The following GRIA1 variants were observed in gnomAD, a reference collection of about 807,000 sequenced individuals.
GRIA1 encodes glutamate ionotropic receptor AMPA type subunit 1.
Under a neutral mutation model 99.2 loss-of-function variants are expected in GRIA1, and 31 were observed. The ratio of observed to expected loss-of-function variants is 0.31; its 90% confidence interval spans 0.23 to 0.42. The LOEUF (loss-of-function observed/expected upper bound fraction) is 0.42, where lower values mean the gene tolerates loss of function less well. Among genes scored for constraint, GRIA1 ranks in the 10% least tolerant of loss-of-function variants. The pLI, the probability that GRIA1 is intolerant of heterozygous loss-of-function variation, is 1.00. For missense variants in GRIA1, 782 were observed against 1,157.5 expected, an observed-to-expected ratio of 0.68 and a Z score of 4.71; for synonymous variants, 438 against 432.4, an observed-to-expected ratio of 1.01 and a Z score of -0.16.
At chr5:153,548,748 CTCTGAGA>C (rs1193501490) in intron 2 of GRIA1, among the ~76,000 whole-genome samples, 1 of 152,170 alleles carries the variant, frequency 6.6e-6, no homozygotes, top group Non-Finnish European at 1.5e-5. Context: ...CATTGCACAA[CTCTGAGA>C]TAACCCTCTT....
At chr5:153,614,031 TTC>T (rs1766243978) in intron 2 of GRIA1, among the ~76,000 whole-genome samples, 1 of 152,196 alleles carries the variant, frequency 6.6e-6, no homozygotes, top group African/African-American at 2.4e-5. Context: ...TCACACCTGC[TTC>T]TCTCGCTGCT....
chr5:153,575,210 A>AGAGAGC (rs1156710330), intron 2 of GRIA1, among the ~76,000 whole-genome samples: 2 of 151,790 alleles, frequency 1.3e-5, no homozygotes, highest in African/African-American at 2.4e-5. Context: ...AGAGAGAGAG[A>AGAGAGC]GAGAGAGAGA....
chr5:153,494,872 A>G (rs1449580182), intron 2 of GRIA1, among the ~76,000 whole-genome samples: 1 of 152,214 alleles, frequency 6.6e-6, no homozygotes, highest in Non-Finnish European at 1.5e-5. Flanking sequence ...AATTTATGGC[A>G]GGGAAATGTG....
intron 2 of GRIA1, among the ~76,000 whole-genome samples, chr5:153,577,831 A>G (rs1762694576): frequency 6.6e-6 from 1 of 152,176 alleles, no homozygotes; most frequent in Admixed American, 6.5e-5. Context: ...AATTAAATAA[A>G]TCAACTGAAT....
chr5:153,801,281 C>T (rs1766007035), intron 14 of GRIA1, among the ~76,000 whole-genome samples: 1 of 147,210 alleles, frequency 6.8e-6, no homozygotes, highest in Admixed American at 6.7e-5. Context: ...CTCAGGAGAC[C>T]AGTGGCCTTC....
intron 2 of GRIA1, among the ~76,000 whole-genome samples, chr5:153,630,375 T>C (rs1483098501): frequency 2.0e-5 from 3 of 152,116 alleles, no homozygotes; most frequent in Non-Finnish European, 4.4e-5. Context: ...AAGGAATATA[T>C]TGAAGAGAAA....
chr5:153,692,706 CCAACTCTTTAAAAGCAAGGA>C (rs1757848244), intron 8 of GRIA1, among the ~76,000 whole-genome samples: 1 of 152,108 alleles, frequency 6.6e-6, no homozygotes, highest in Admixed American at 6.5e-5. Context: ...TTCTAAAACG[CCAACTCTTTAAAAGCAAGGA>C]CCATATTTGT....
At chr5:153,568,713 T>A (rs1761867332) in intron 2 of GRIA1, among the ~76,000 whole-genome samples, 1 of 152,222 alleles carries the variant, frequency 6.6e-6, no homozygotes, top group Non-Finnish European at 1.5e-5. Flanking sequence ...TGTACCTAGC[T>A]TATTATAGCC....
chr5:153,498,050 A>G (rs903147974), intron 2 of GRIA1, among the ~76,000 whole-genome samples: 2 of 152,182 alleles, frequency 1.3e-5, no homozygotes, highest in African/African-American at 4.8e-5. Flanking sequence ...CAGTTCCAGC[A>G]CAGAGACTGA....
At chr5:153,660,533 A>G (rs1270374344) in intron 5 of GRIA1, among the ~76,000 whole-genome samples, 2 of 152,186 alleles carry the variant, frequency 1.3e-5, no homozygotes, top group Non-Finnish European at 2.9e-5. Context: ...AGTTGGGGAA[A>G]GAGTCAGGAA....
chr5:153,660,561 G>A (rs547004265), intron 5 of GRIA1, among the ~76,000 whole-genome samples: 1 of 152,266 alleles, frequency 6.6e-6, no homozygotes, highest in African/African-American at 2.4e-5. Flanking sequence ...GGGTTGTCCT[G>A]GACAAGACAG....
At chr5:153,570,584 G>C (rs1423314779) in intron 2 of GRIA1, among the ~76,000 whole-genome samples, 1 of 152,138 alleles carries the variant, frequency 6.6e-6, no homozygotes, top group African/African-American at 2.4e-5. Context: ...TGAAGAGTCT[G>C]AGTATTCTAG....
intron 11 of GRIA1, among the ~76,000 whole-genome samples, chr5:153,726,553 G>A (rs1251252222): frequency 1.3e-5 from 2 of 151,998 alleles, no homozygotes; most frequent in Admixed American, 1.3e-4. Context: ...AAATAATAAA[G>A]GGGATATCAC....
chr5:153,658,655 A>G (rs1755128479), intron 5 of GRIA1, among the ~76,000 whole-genome samples: 1 of 152,230 alleles, frequency 6.6e-6, no homozygotes, highest in Non-Finnish European at 1.5e-5. Context: ...TTTCTGCCAC[A>G]TAATTAGCCT....
chr5:153,641,559 G>C (rs975262864), intron 2 of GRIA1, among the ~76,000 whole-genome samples: 2 of 152,106 alleles, frequency 1.3e-5, no homozygotes, highest in South Asian at 2.1e-4. Context: ...TGTTGGACAC[G>C]CTCTGCTACA....
intron 1 of GRIA1, chr5:153,491,211 G>A (rs967601998): frequency 1.9e-5 from 24 of 1,285,158 alleles, no homozygotes; most frequent in Non-Finnish European, 2.3e-5. Context: ...CTCCAGGCAA[G>A]AGCATGTGAA....
At chr5:153,758,529 A>G (rs1762975447) in intron 11 of GRIA1, among the ~76,000 whole-genome samples, 1 of 152,052 alleles carries the variant, frequency 6.6e-6, no homozygotes, top group South Asian at 2.1e-4. Context: ...TTATAAATAT[A>G]TATTCAACCA....
Position 153,802,510 on chromosome 5 carries a change from C to G in GRIA1, c.2520+20C>G. ...ATGAAGGTGGCATCGTCTTCCCGGGCCTTTTTCCTAACCTGTTCTGTGATG... is the reference window on the plus strand; with the variant it reads ...ATGAAGGTGGCATCGTCTTCCCGGGGCTTTTTCCTAACCTGTTCTGTGATG... On this transcript the variant is annotated intron_variant, in intron 15 of 15. Transcript: ENST00000285900. 6.2e-7 allele frequency: 1 copy of G among 1,613,552 alleles called. No individual in the cohort carries two copies. Among genetic ancestry groups the G allele is most frequent in the Non-Finnish European group, 8.5e-7 (1 of 1,179,632 alleles).
chr5:153,748,259 T>C (rs910028337), intron 11 of GRIA1, among the ~76,000 whole-genome samples: 1 of 152,148 alleles, frequency 6.6e-6, no homozygotes, highest in Non-Finnish European at 1.5e-5. Flanking sequence ...GAGGTGACAT[T>C]TGAATTGAAA....
Sources: allele counts gnomAD v4.1 joint callset (sites outside exome capture counted in the v4.1 genomes callset), GRCh38; gene constraint gnomAD v4.1.1; transcripts MANE v1.5; gene names NCBI Gene and HGNC (gene_info 2026-07-23, HGNC 2026-07-21).